The following HSD17B12 variants were observed in gnomAD, a reference collection of about 807,000 sequenced individuals.
HSD17B12 encodes the protein hydroxysteroid 17-beta dehydrogenase 12.
In HSD17B12, 32 loss-of-function variants were observed where a neutral mutation model predicts 39.3. That is an observed-to-expected ratio of 0.81 (90% CI 0.61 to 1.09). The LOEUF (loss-of-function observed/expected upper bound fraction) is 1.09, where lower values mean the gene tolerates loss of function less well. Ranked by LOEUF, HSD17B12 falls within the 50% of genes least tolerant of loss-of-function variation. HSD17B12 has a pLI of 0.00. For missense variants in HSD17B12, 342 were observed against 382.9 expected, an observed-to-expected ratio of 0.89 and a Z score of 0.89; for synonymous variants, 150 against 146.7, an observed-to-expected ratio of 1.02 and a Z score of -0.16.
At chr11:43,678,838 C>G (rs1420216444), upstream of HSD17B12, among the ~76,000 whole-genome samples, 1 of 152,126 alleles carries the variant, frequency 6.6e-6, no homozygotes, top group Non-Finnish European at 1.5e-5. Flanking sequence ...ATTACTGTAG[C>G]CTTGTAGTAT....
At chr11:43,641,703 C>G in the HSD17B12 span, among the ~76,000 whole-genome samples, 1 of 151,884 alleles carries the variant, frequency 6.6e-6, no homozygotes, top group Admixed American at 6.6e-5. Flanking sequence ...GAAAAGGAGA[C>G]AGACTAACTT....
At chr11:43,694,823 C>A (rs906264655) in intron 1 of HSD17B12, among the ~76,000 whole-genome samples, 5 of 152,052 alleles carry the variant, frequency 3.3e-5, no homozygotes, top group African/African-American at 1.2e-4. Flanking sequence ...GAAAAAAAAT[C>A]TGTAAGAAAA....
intron 1 of HSD17B12, among the ~76,000 whole-genome samples, chr11:43,721,217 A>G (rs1055216223): frequency 2.0e-5 from 3 of 151,984 alleles, no homozygotes. Context: ...TAACTAGTAA[A>G]TAGGTAGTTG....
intron 9 of HSD17B12, among the ~76,000 whole-genome samples, chr11:43,841,836 T>A (rs905943282): frequency 3.9e-5 from 6 of 152,182 alleles, no homozygotes; most frequent in Non-Finnish European, 5.9e-5. Flanking sequence ...ACTTTTTGTA[T>A]CCTGAAGCCA....
intron 1 of HSD17B12, among the ~76,000 whole-genome samples, chr11:43,741,952 TC>T (rs1011060061): frequency 3.3e-5 from 5 of 150,088 alleles, no homozygotes; most frequent in African/African-American, 1.2e-4. Flanking sequence ...GCCAGGATGG[TC>T]TTGATCTCCT....
the HSD17B12 span, among the ~76,000 whole-genome samples, chr11:43,662,024 T>G: frequency 1.2e-3 from 187 of 152,218 alleles, 1 homozygote; most frequent in African/African-American, 4.3e-3. Context: ...CTTTCCTTCT[T>G]GTGGGAAATG....
At chr11:43,703,052 A>T in intron 1 of HSD17B12, among the ~76,000 whole-genome samples, 1 of 151,832 alleles carries the variant, frequency 6.6e-6, no homozygotes, top group Non-Finnish European at 1.5e-5. Flanking sequence ...TGTTTGATGT[A>T]CCTCTGTCTA....
chr11:43,810,402 T>TATAA (rs1243655702), intron 4 of HSD17B12, among the ~76,000 whole-genome samples: 3 of 70,164 alleles, frequency 4.3e-5, no homozygotes, highest in South Asian at 4.7e-4. Context: ...TATATATATA[T>TATAA]AAAATTCAGA....
At position 43,839,982 on chromosome 11, in the gene HSD17B12, T is replaced by C. The variant is rs1282502884; in HGVS notation, c.619-17T>C. On this transcript the variant is annotated splice_polypyrimidine_tract_variant and intron_variant, in intron 8 of 10. Transcript: ENST00000278353. ...TGTAATGTGTGTGTTTTCTTCTCAC[T>C]CCCACTCCCCTCCCAGACTTTTGTA... 1 of 1,606,546 alleles carries C rather than the reference T, an allele frequency of 6.2e-7. No individual in the cohort carries two copies. The highest frequency in any genetic ancestry group is 1.3e-5 in the African/African-American group (1 of 74,678).
upstream of HSD17B12, among the ~76,000 whole-genome samples, chr11:43,680,235 G>C (rs1479000241): frequency 6.6e-6 from 1 of 151,822 alleles, no homozygotes; most frequent in East Asian, 1.9e-4. Context: ...CACCACGCCC[G>C]GCTAATTTTT....
intron 9 of HSD17B12, 29 bp downstream of exon 9, chr11:43,840,093 C>T: frequency 5.7e-6 from 9 of 1,589,168 alleles, no homozygotes; most frequent in South Asian, 1.1e-5. Flanking sequence ...ACTTAAGTAT[C>T]CCTGTTTTTG....
the HSD17B12 span, among the ~76,000 whole-genome samples, chr11:43,583,178 A>G: frequency 1.8e-4 from 27 of 152,202 alleles, no homozygotes; most frequent in African/African-American, 6.5e-4. Flanking sequence ...AGAGAAGTGA[A>G]CTTGCACAGA....
At chr11:43,713,532 T>C (rs1243493144) in intron 1 of HSD17B12, among the ~76,000 whole-genome samples, 2 of 152,168 alleles carry the variant, frequency 1.3e-5, no homozygotes, top group African/African-American at 4.8e-5. Flanking sequence ...CTATCATTGT[T>C]GGACATTTGG....
At chr11:43,824,580 C>T (rs1565102426) in intron 6 of HSD17B12, among the ~76,000 whole-genome samples, 1 of 152,130 alleles carries the variant, frequency 6.6e-6, no homozygotes, top group South Asian at 2.1e-4. Flanking sequence ...CCTCAGGCCT[C>T]TTTTATAAGG....
chr11:43,808,099 C>T (rs1043544513), intron 4 of HSD17B12, among the ~76,000 whole-genome samples: 1 of 152,230 alleles, frequency 6.6e-6, no homozygotes, highest in Non-Finnish European at 1.5e-5. Flanking sequence ...GGAGCAAAGT[C>T]TGTTGAGAAA....
At chr11:43,702,584 G>T (rs368824120) in intron 1 of HSD17B12, among the ~76,000 whole-genome samples, 6 of 152,072 alleles carry the variant, frequency 3.9e-5, no homozygotes, top group African/African-American at 1.4e-4. Context: ...TGAATATGTG[G>T]TTTTTATCCT....
chr11:43,695,270 G>A (rs1285132582), intron 1 of HSD17B12, among the ~76,000 whole-genome samples: 1 of 152,092 alleles, frequency 6.6e-6, no homozygotes, highest in Non-Finnish European at 1.5e-5. Flanking sequence ...GTCCGGCCCA[G>A]ATGGGTTTTT....
chr11:43,667,523 A>G, the HSD17B12 span, among the ~76,000 whole-genome samples: 1 of 152,170 alleles, frequency 6.6e-6, no homozygotes, highest in African/African-American at 2.4e-5. Flanking sequence ...TAATCCATTC[A>G]TTCATCTAAT....
the HSD17B12 span, among the ~76,000 whole-genome samples, chr11:43,657,822 GCTA>G: frequency 6.6e-6 from 1 of 152,084 alleles, no homozygotes; most frequent in South Asian, 2.1e-4. Context: ...TTTCTCTCTG[GCTA>G]CCCTTAACAT....
Sources: allele counts gnomAD v4.1 joint callset (sites outside exome capture counted in the v4.1 genomes callset), GRCh38; gene constraint gnomAD v4.1.1; transcripts MANE v1.5; gene names NCBI Gene and HGNC (gene_info 2026-07-23, HGNC 2026-07-21).